Variants in TBC1D22B observed in about 807,000 individuals in gnomAD.
TBC1D22B encodes the protein TBC1 domain family member 22B, also known as chromosome 6 open reading frame 197.
In TBC1D22B, 32 loss-of-function variants were observed where a neutral mutation model predicts 69.1. The ratio of observed to expected loss-of-function variants is 0.46; its 90% confidence interval spans 0.35 to 0.62. TBC1D22B has a LOEUF of 0.62. Ranked by LOEUF, TBC1D22B falls within the 20% of genes least tolerant of loss-of-function variation. The pLI, the probability that TBC1D22B is intolerant of heterozygous loss-of-function variation, is 0.00. For missense variants in TBC1D22B, 462 were observed against 630.9 expected (o/e 0.73, Z 2.87); for synonymous variants, 206 against 229.8 (o/e 0.90, Z 0.94).
chr6:37,327,400 C>T, intron 12 of TBC1D22B, among the ~76,000 whole-genome samples: 1 of 100,926 alleles, frequency 9.9e-6, no homozygotes, highest in South Asian at 2.8e-4. Flanking sequence ...ATGGCGTGAA[C>T]CCGGGAGGCG....
rs141203571 is a variant in TBC1D22B, at chr6:37,260,928, C to T, written c.56+2955C>T. On this transcript the variant is annotated intron_variant, in intron 1 of 12. Coordinates refer to ENST00000373491, the MANE Select transcript of TBC1D22B (RefSeq NM_017772.4). Reference sequence around the variant, plus strand: ...TTGTTTTCACTTTTGGGCTATTGTACGTAATGCTTTTATGAACATTTATGC... The same window carrying T: ...TTGTTTTCACTTTTGGGCTATTGTATGTAATGCTTTTATGAACATTTATGC... 2.2e-4 allele frequency among the ~76,000 whole-genome samples: 34 copies of T among 152,160 alleles called. 1 individual carries two copies. Among genetic ancestry groups the T allele is most frequent in the African/African-American group, 3.9e-4 (16 of 41,510 alleles).
intron 8 of TBC1D22B, among the ~76,000 whole-genome samples, chr6:37,305,179 C>T (rs1191570912): frequency 1.3e-5 from 2 of 152,188 alleles, no homozygotes; most frequent in Non-Finnish European, 2.9e-5. Context: ...TTACATCTGA[C>T]TCTTTGCATC....
chr6:37,321,768 G>A (rs1768250773), intron 12 of TBC1D22B, among the ~76,000 whole-genome samples: 1 of 152,202 alleles, frequency 6.6e-6, no homozygotes, highest in Non-Finnish European at 1.5e-5. Context: ...GAGCCTGCTT[G>A]GGCCCTTGTG....
At chr6:37,322,689 A>G (rs1768285320) in intron 12 of TBC1D22B, among the ~76,000 whole-genome samples, 1 of 152,202 alleles carries the variant, frequency 6.6e-6, no homozygotes, top group Non-Finnish European at 1.5e-5. Context: ...CAGTTGTCAG[A>G]CTTGGGGAAG....
At chr6:37,322,140 A>G (rs1472618285) in intron 12 of TBC1D22B, among the ~76,000 whole-genome samples, 1 of 152,210 alleles carries the variant, frequency 6.6e-6, no homozygotes, top group East Asian at 1.9e-4. Flanking sequence ...TCTGTTACCC[A>G]GCAGTGAGCC....
In TBC1D22B at chr6:37,303,255, G is replaced by C. The variant is rs60439030; in HGVS notation, c.983-9663G>C. Among the ~76,000 whole-genome samples, 1,015 of 152,156 alleles carry C rather than the reference G, an allele frequency of 6.7e-3. 11 individuals are homozygous for C. The highest frequency in any genetic ancestry group is 0.023 in the African/African-American group (953 of 41,496). ...TTTAGGCAATCTTTGCTATTCTTAG[G>C]CTCCTCAGACTCGGTGTTTGGCTCT... On this transcript the variant is annotated intron_variant, in intron 8 of 12. Coordinates refer to ENST00000373491, the MANE Select transcript of TBC1D22B (RefSeq NM_017772.4).
At chr6:37,286,389 C>G (rs1008622126) in intron 6 of TBC1D22B, among the ~76,000 whole-genome samples, 2 of 151,298 alleles carry the variant, frequency 1.3e-5, no homozygotes, top group Admixed American at 6.6e-5. Context: ...GATCTCGGCT[C>G]ACTGCAAGCT....
At chr6:37,274,601 A>T (rs946202751) in intron 2 of TBC1D22B, among the ~76,000 whole-genome samples, 1 of 152,240 alleles carries the variant, frequency 6.6e-6, no homozygotes, top group Admixed American at 6.5e-5. Flanking sequence ...TAAAATAGAG[A>T]TAGTAAGACT....
intron 6 of TBC1D22B, 79 bp from the exon 7 acceptor site, chr6:37,286,928 G>T: frequency 7.6e-7 from 1 of 1,308,418 alleles, no homozygotes; most frequent in South Asian, 1.2e-5. Flanking sequence ...TGGGGGACAA[G>T]AGCGAGACTT....
intron 8 of TBC1D22B, among the ~76,000 whole-genome samples, chr6:37,303,954 T>A (rs545178074): frequency 6.6e-6 from 1 of 152,304 alleles, no homozygotes; most frequent in East Asian, 1.9e-4. Context: ...GGCCAAAGAG[T>A]ATTTTAAACA....
Position 37,257,951 on chromosome 6 carries a change from A to T in TBC1D22B, c.34A>T (p.Arg12Trp). 6.2e-7 allele frequency: 1 copy of T among 1,614,126 alleles called. No individual in the cohort carries two copies. The highest frequency in any genetic ancestry group is 8.5e-7 in the Non-Finnish European group (1 of 1,180,012). ...TGAGAACAGCAAGCAGTTTTGGAAG[A>T]GGAGCGCTAAGCTGCCGGGGAGGTG... is the stretch of plus-strand genomic sequence containing the variant. ...AAENSKQFWK[R>W]SAKLPGSIQP... is the part of the protein sequence containing the mutation. The change falls in exon 1 of 13, where the codon AGG becomes TGG. Residue 12 changes from arginine (R) to tryptophan (W), a missense_variant. Transcript: ENST00000373491.
intron 8 of TBC1D22B, among the ~76,000 whole-genome samples, chr6:37,297,863 CCATAAAAAA>C: frequency 6.6e-6 from 1 of 152,194 alleles, no homozygotes; most frequent in South Asian, 2.1e-4. Flanking sequence ...TACTATGCAG[CCATAAAAAA>C]GAATGAGTTC....
At chr6:37,271,122 G>A (rs962161650) in intron 2 of TBC1D22B, among the ~76,000 whole-genome samples, 3 of 152,114 alleles carry the variant, frequency 2.0e-5, no homozygotes, top group Non-Finnish European at 4.4e-5. Flanking sequence ...AGACCAGCCT[G>A]GCCAACATGG....
intron 1 of TBC1D22B, among the ~76,000 whole-genome samples, chr6:37,267,311 T>TATATATATATAAA (rs1285486411): frequency 0.025 from 3,587 of 141,224 alleles, 211 homozygotes; most frequent in African/African-American, 0.09. Flanking sequence ...GACATACATA[T>TATATATATATAAA]ATATATATAT....
rs796841147 is a variant in TBC1D22B, at chr6:37,267,447, AAT to A, written c.57-2137_57-2136del. Among the ~76,000 whole-genome samples, 412 of 142,220 alleles carry A rather than the reference AAT, an allele frequency of 2.9e-3. 5 individuals are homozygous for A. The highest frequency in any genetic ancestry group is 8.2e-3 in the African/African-American group (315 of 38,190). The allele number at this position is 142,220 out of a possible 152,430, so 93.3% of individuals were successfully genotyped here. A position where few individuals can be genotyped will look rare whatever the true frequency, so the allele number is the denominator to read the frequency against. On this transcript the variant is annotated intron_variant, in intron 1 of 12. Transcript: ENST00000373491. The stretch of plus-strand genomic sequence containing the variant: ...ATATAATATATATACACACATATAT[AAT>A]ATATATATACACATATATATAATAT...
chr6:37,329,405 C>T (rs528615264), intron 12 of TBC1D22B, among the ~76,000 whole-genome samples: 71 of 152,330 alleles, frequency 4.7e-4, no homozygotes, highest in African/African-American at 1.4e-3. Flanking sequence ...TATTGCCAGA[C>T]GCTTTTCTAG....
At chr6:37,294,135 A>C (rs930014950) in intron 8 of TBC1D22B, among the ~76,000 whole-genome samples, 1 of 152,254 alleles carries the variant, frequency 6.6e-6, no homozygotes, top group African/African-American at 2.4e-5. Context: ...TACACTAAAC[A>C]GCAGATTTTC....
At chr6:37,287,202 G>A in intron 7 of TBC1D22B, 130 bp downstream of exon 7, 1 of 642,590 alleles carries the variant, frequency 1.6e-6, no homozygotes, top group Non-Finnish European at 2.6e-6. Context: ...TCAGAGCATG[G>A]TTTCATACAT....
intron 12 of TBC1D22B, chr6:37,324,250 T>G (rs1408508203): frequency 2.2e-6 from 1 of 455,886 alleles, no homozygotes; most frequent in South Asian, 1.6e-5. Context: ...ATCCTGTGTT[T>G]GGTTGTGCCA....
Sources: allele counts gnomAD v4.1 joint callset (sites outside exome capture counted in the v4.1 genomes callset), GRCh38; gene constraint gnomAD v4.1.1; transcripts MANE v1.5; gene names NCBI Gene and HGNC (gene_info 2026-07-23, HGNC 2026-07-21).